COQ7: variants seen among roughly 807,000 people sequenced by gnomAD.
COQ7 encodes the protein NADPH-dependent 3-demethoxyubiquinone 3-hydroxylase, mitochondrial.
Under a neutral mutation model 25.0 loss-of-function variants are expected in COQ7, and 21 were observed. The observed-to-expected ratio is 0.84, with a 90% CI of 0.60 to 1.21. The LOEUF (loss-of-function observed/expected upper bound fraction) is 1.21, where lower values mean the gene tolerates loss of function less well. Ranked by LOEUF, COQ7 falls within the 50% of genes most tolerant of loss-of-function variation. COQ7 has a pLI of 0.00. For missense variants in COQ7, 311 were observed against 296.2 expected (o/e 1.05, Z -0.37); for synonymous variants, 125 against 112.4 (o/e 1.11, Z -0.71).
At position 19,072,166 on chromosome 16, in the gene COQ7, C is replaced by T. The variant is rs879236792; in HGVS notation, c.252+60C>T. On this transcript the variant is annotated intron_variant, in intron 2 of 5. Transcript: ENST00000321998. ...CTGAATGGGCAGATCCAAAGGACTT[C>T]AAGTAATGAATCATGGGAGGTCAAG... 61 of 1,591,232 alleles carry T rather than the reference C, an allele frequency of 3.8e-5. No homozygotes were observed. The South Asian group carries it at 6.4e-4, about 17-fold the overall frequency.
At position 19,078,280 on chromosome 16, in the gene COQ7, T is replaced by C; in HGVS notation, c.*122T>C. 1.3e-6 allele frequency: 1 copy of C among 747,850 alleles called. No individual in the cohort carries two copies. The highest frequency in any genetic ancestry group is 2.0e-6 in the Non-Finnish European group (1 of 510,256). 46.3% of individuals were successfully genotyped at this position (747,850 alleles called of 1,614,324 possible). On this transcript the variant is annotated 3_prime_UTR_variant, in exon 6 of 6. Coordinates refer to ENST00000321998, the MANE Select transcript of COQ7 (RefSeq NM_016138.5). The stretch of plus-strand genomic sequence containing the variant: ...CAATGTGAATTTTGTTAATAAATTA[T>C]AAGGTTTGTTTTTTTTTTTTTAAAC...
At chr16:19,082,304 G>T (rs779483990), downstream of COQ7, among the ~76,000 whole-genome samples, 1 of 152,140 alleles carries the variant, frequency 6.6e-6, no homozygotes, top group Non-Finnish European at 1.5e-5. Flanking sequence ...CAATGTGAAT[G>T]TACTTAATGT....
At chr16:19,074,076 C>G in intron 3 of COQ7, 41 bp downstream of exon 3, 1 of 1,433,362 alleles carries the variant, frequency 7.0e-7, no homozygotes. Context: ...GCTTGGGGAT[C>G]TAGGATGATT....
At chr16:19,074,382 G>A (rs1463344668) in intron 3 of COQ7, among the ~76,000 whole-genome samples, 2 of 151,788 alleles carry the variant, frequency 1.3e-5, no homozygotes, top group Admixed American at 6.6e-5. Context: ...AAAATTAGCC[G>A]GGCATGGTGG....
At chr16:19,073,832 C>T (rs780895551) in intron 2 of COQ7, 89 bp from the exon 3 acceptor site, 18 of 874,644 alleles carry the variant, frequency 2.1e-5, no homozygotes, top group South Asian at 1.9e-4. Flanking sequence ...TCATTTTCTC[C>T]GTTTCTGCTT....
At position 19,078,279 on chromosome 16, in the gene COQ7, A is replaced by T; in HGVS notation, c.*121A>T. ...ACAATGTGAATTTTGTTAATAAATT[A>T]TAAGGTTTGTTTTTTTTTTTTTAAA... On this transcript the variant is annotated 3_prime_UTR_variant, in exon 6 of 6. Coordinates refer to ENST00000321998, the MANE Select transcript of COQ7 (RefSeq NM_016138.5). 1.4e-5 allele frequency: 10 copies of T among 731,644 alleles called. No individual in the cohort carries two copies. The highest frequency in any genetic ancestry group is 2.0e-5 in the Non-Finnish European group (10 of 495,122). 45.3% of individuals were successfully genotyped at this position (731,644 alleles called of 1,614,324 possible).
chr16:19,068,142 A>G (rs1962334647), intron 1 of COQ7: 2 of 1,050,812 alleles, frequency 1.9e-6, no homozygotes, highest in Non-Finnish European at 1.1e-6. Flanking sequence ...AGCCTCCGCT[A>G]CTTCTGGGCG....
chr16:19,068,271 A>T, intron 1 of COQ7: 1 of 993,222 alleles, frequency 1.0e-6, no homozygotes, highest in South Asian at 4.3e-5. Context: ...CCATCAGTGT[A>T]GTGGAAGGAG....
At chr16:19,074,387 T>C (rs1292431362) in intron 3 of COQ7, among the ~76,000 whole-genome samples, 2 of 151,872 alleles carry the variant, frequency 1.3e-5, no homozygotes, top group Admixed American at 1.3e-4. Context: ...TAGCCGGGCA[T>C]GGTGGTGCGT....
Position 19,067,732 on chromosome 16 carries a change from T to C in COQ7, c.68T>C (p.Leu23Pro), listed in dbSNP as rs765185780. 3.1e-6 allele frequency: 5 copies of C among 1,603,522 alleles called. No homozygotes were observed. The highest frequency in any genetic ancestry group is 4.2e-6 in the Non-Finnish European group (5 of 1,178,000). Residue 23 changes from leucine to proline, a missense_variant, in exon 1 of 6, where the codon CTC becomes CCC. Physicochemically the swap from Leu to Pro is moderately conservative, Grantham distance 98 (BLOSUM62 -3). Transcript: ENST00000321998. Reference protein sequence around the residue: ...WRLRPGARRSLSAYGRRTSVR... With the variant: ...WRLRPGARRSPSAYGRRTSVR... ...CTGCGCCCGGGGGCCCGGCGGTCCC[T>C]CTCAGGTAAAAGGAGGCGCGCAGTC... is the stretch of plus-strand genomic sequence containing the variant.
Position 19,072,025 on chromosome 16 carries a change from T to C in COQ7, c.171T>C (p.His57=), listed in dbSNP as rs779495541. 4.3e-6 allele frequency: 7 copies of C among 1,614,112 alleles called. No homozygotes were observed. The East Asian group carries it at 1.3e-4, about 31-fold the overall frequency. The change falls in exon 2 of 6, where the codon CAT becomes CAC. Residue 57 remains histidine, a synonymous_variant. Transcript: ENST00000321998. ...AAVDRIIRVD[H]AGEYGANRIY... Reference sequence around the variant, plus strand: ...TGGATCGAATAATCCGGGTGGATCATGCAGGCGAATATGGAGCAAACCGCA... The same window carrying C: ...TGGATCGAATAATCCGGGTGGATCACGCAGGCGAATATGGAGCAAACCGCA...
intron 1 of COQ7, among the ~76,000 whole-genome samples, chr16:19,069,150 G>A (rs990596584): frequency 6.6e-6 from 1 of 152,080 alleles, no homozygotes; most frequent in African/African-American, 2.4e-5. Flanking sequence ...GGAAAATATG[G>A]ACATAAAGTG....
chr16:19,072,606 A>G lies in COQ7; in HGVS notation c.252+500A>G, dbSNP rs1297893322. Among the ~76,000 whole-genome samples the G allele has an allele frequency of 3.3e-5, 5 of 152,114 alleles. No homozygotes were observed. In the South Asian group the frequency reaches 6.2e-4, roughly 19 times the overall value. ...TCCGTATCTGCAAAATGGCCTCATA[A>G]TGGCCTGGGTTTGGGTAAGGAACCG... On this transcript the variant is annotated intron_variant, in intron 2 of 5. Transcript: ENST00000321998.
intron 2 of COQ7, among the ~76,000 whole-genome samples, chr16:19,073,316 C>CAAAAAAAAACG (rs60264999): frequency 6.8e-6 from 1 of 146,914 alleles, no homozygotes; most frequent in Admixed American, 6.7e-5. Context: ...CTCAAAAAAA[C>CAAAAAAAAACG]AAAAAAAACC....
Position 19,077,364 on chromosome 16 carries a change from A to G in COQ7, c.566A>G (p.Asp189Gly). 1 of 1,614,096 alleles carries G rather than the reference A, an allele frequency of 6.2e-7. No individual in the cohort carries two copies. Among genetic ancestry groups the G allele is most frequent in the Non-Finnish European group, 8.5e-7 (1 of 1,179,976 alleles). The change falls in exon 5 of 6, where the codon GAT becomes GGT. Residue 189 changes from aspartate (D) to glycine (G), a missense_variant. Physicochemically the swap from Asp to Gly is moderately conservative, Grantham distance 94. Transcript: ENST00000321998. ...LEHHDIGLDH[D>G]AELAPAYAVL... The stretch of plus-strand genomic sequence containing the variant: ...CACCATGACATAGGCCTCGACCATG[A>G]TGCAGAATTGGTAGGGCCCTACTGT...
At chr16:19,082,952 C>T (rs920600191), downstream of COQ7, among the ~76,000 whole-genome samples, 5 of 150,974 alleles carry the variant, frequency 3.3e-5, no homozygotes, top group South Asian at 2.1e-4. Context: ...GCTGGAGGGG[C>T]GGGGATGGGG....
intron 2 of COQ7, among the ~76,000 whole-genome samples, chr16:19,072,744 T>C (rs970312703): frequency 6.6e-6 from 1 of 152,224 alleles, no homozygotes; most frequent in Admixed American, 6.5e-5. Context: ...GGCGCAGTCA[T>C]AGTGTGTCCT....
At chr16:19,070,806 A>G (rs1962517464) in intron 1 of COQ7, among the ~76,000 whole-genome samples, 1 of 151,924 alleles carries the variant, frequency 6.6e-6, no homozygotes, top group South Asian at 2.1e-4. Flanking sequence ...AAACTAAATG[A>G]CCCTTAGGTC....
intron 1 of COQ7, among the ~76,000 whole-genome samples, chr16:19,071,021 G>A (rs748875012): frequency 6.6e-6 from 1 of 152,208 alleles, no homozygotes; most frequent in Non-Finnish European, 1.5e-5. Flanking sequence ...GAAGATGAGA[G>A]TTCATTTGAA....
Sources: gnomAD v4.1 joint callset for allele counts (sites outside exome capture counted in the v4.1 genomes callset) on GRCh38, gnomAD v4.1.1 for gene constraint, MANE v1.5 for transcripts, NCBI Gene and HGNC (gene_info 2026-07-23, HGNC 2026-07-21) for gene names.